The following EXOC6 variants were observed in gnomAD, a reference collection of about 807,000 sequenced individuals.
EXOC6 encodes SEC15-like 1.
In EXOC6, 60 loss-of-function variants were observed where a neutral mutation model predicts 112.5. The observed-to-expected ratio is 0.53, with a 90% CI of 0.43 to 0.66. EXOC6 has a LOEUF of 0.66. Among genes scored for constraint, EXOC6 ranks in the 30% least tolerant of loss-of-function variants. The probability of loss-of-function intolerance (pLI) is 0.00; values close to 1 mark genes in which losing one functional copy is unlikely to be tolerated. For synonymous variants in EXOC6, 295 were observed against 308.0 expected (o/e 0.96, Z 0.44); for missense variants, 855 against 957.1 (o/e 0.89, Z 1.41).
chr10:93,055,239 T>C (rs1777192779), intron 20 of EXOC6, among the ~76,000 whole-genome samples: 5 of 152,212 alleles, frequency 3.3e-5, no homozygotes. Flanking sequence ...ATAAACATTA[T>C]CCCAAGTTAT....
chr10:92,959,302 TA>T (rs1246849145), intron 17 of EXOC6, among the ~76,000 whole-genome samples: 1 of 152,138 alleles, frequency 6.6e-6, no homozygotes, highest in East Asian at 1.9e-4. Flanking sequence ...CATCCACATG[TA>T]AAAAAATGAA....
intron 1 of EXOC6, among the ~76,000 whole-genome samples, chr10:92,860,862 G>T (rs1847880574): frequency 6.6e-6 from 1 of 152,116 alleles, no homozygotes; most frequent in African/African-American, 2.4e-5. Context: ...TTTATCAGTG[G>T]ACATTTGTGT....
intron 13 of EXOC6, among the ~76,000 whole-genome samples, chr10:92,944,512 A>G (rs1477993585): frequency 6.6e-6 from 1 of 152,218 alleles, no homozygotes; most frequent in African/African-American, 2.4e-5. Context: ...CTAGGATTAC[A>G]GATGTGAGCC....
At chr10:92,933,901 C>T (rs1852200410) in intron 9 of EXOC6, among the ~76,000 whole-genome samples, 1 of 152,098 alleles carries the variant, frequency 6.6e-6, no homozygotes, top group Non-Finnish European at 1.5e-5. Context: ...TTTGATTAGT[C>T]TGCTGAGAAG....
At chr10:92,932,179 GA>G (rs1338864571) in intron 9 of EXOC6, among the ~76,000 whole-genome samples, 5 of 152,034 alleles carry the variant, frequency 3.3e-5, no homozygotes, top group African/African-American at 9.7e-5. Context: ...TATTCTAAGT[GA>G]AAAAAATTCA....
At chr10:92,960,611 C>G (rs1404536334) in intron 17 of EXOC6, among the ~76,000 whole-genome samples, 1 of 139,852 alleles carries the variant, frequency 7.2e-6, no homozygotes, top group Non-Finnish European at 1.5e-5. Context: ...AAAAAAAAGG[C>G]GAACACACTT....
intron 6 of EXOC6, among the ~76,000 whole-genome samples, chr10:92,910,915 C>T (rs1197268582): frequency 6.0e-5 from 3 of 49,720 alleles, no homozygotes; most frequent in African/African-American, 8.5e-5. Context: ...GGTGACAGAG[C>T]GAGACTCTGT....
At chr10:92,880,512 C>A (rs1038570678) in intron 1 of EXOC6, among the ~76,000 whole-genome samples, 1 of 152,092 alleles carries the variant, frequency 6.6e-6, no homozygotes, top group East Asian at 1.9e-4. Context: ...TAATTTATAT[C>A]CTCACAGCAC....
chr10:92,862,239 T>C (rs764440033), intron 1 of EXOC6, among the ~76,000 whole-genome samples: 1 of 152,224 alleles, frequency 6.6e-6, no homozygotes, highest in Non-Finnish European at 1.5e-5. Context: ...GAATATAATA[T>C]GTGGTTTTTG....
chr10:93,026,430 G>A (rs1466601021), intron 20 of EXOC6, among the ~76,000 whole-genome samples: 2 of 152,180 alleles, frequency 1.3e-5, no homozygotes, highest in African/African-American at 4.8e-5. Flanking sequence ...CATTCCAGTG[G>A]CTGTGTGGTA....
At chr10:92,956,922 C>CT in intron 17 of EXOC6, among the ~76,000 whole-genome samples, 1 of 152,128 alleles carries the variant, frequency 6.6e-6, no homozygotes, top group Non-Finnish European at 1.5e-5. Context: ...AAGGAAGATA[C>CT]TTAGCCCAGA....
chr10:92,998,753 G>A (rs1196996743), intron 19 of EXOC6, among the ~76,000 whole-genome samples: 3 of 151,662 alleles, frequency 2.0e-5, no homozygotes, highest in African/African-American at 7.3e-5. Flanking sequence ...TTTTCCTAGG[G>A]AAGAGAAAGA....
rs140316134 is a variant in EXOC6 at position 93,012,245 on chromosome 10, T to C, written c.2096-1949T>C. 4.4e-4 allele frequency among the ~76,000 whole-genome samples: 67 copies of C among 152,244 alleles called. No individual in the cohort carries two copies. The East Asian group carries it at 0.012, about 28-fold the overall frequency. On this transcript the variant is annotated intron_variant, in intron 19 of 21. Transcript: ENST00000260762. ...CTTACCTGCTCAAGAAGAGTAAAGA[T>C]AAAATTAATAAGACAGATGAGGGAG...
chr10:92,924,437 A>G (rs1449630041), intron 8 of EXOC6, among the ~76,000 whole-genome samples: 6 of 152,188 alleles, frequency 3.9e-5, no homozygotes, highest in East Asian at 1.9e-4. Context: ...TTTCATATTC[A>G]TGTACATTAT....
At position 92,995,635 on chromosome 10, in the gene EXOC6, T is replaced by G. The variant is rs571380372; in HGVS notation, c.1954-1839T>G. Among the ~76,000 whole-genome samples the G allele has an allele frequency of 2.6e-5, 4 of 152,302 alleles. No individual in the cohort carries two copies. The South Asian group carries it at 8.3e-4, about 32-fold the overall frequency. On this transcript the variant is annotated intron_variant, in intron 18 of 21. Transcript: ENST00000260762. The stretch of plus-strand genomic sequence containing the variant: ...ATTTCTCCTTTCTCTGCTTCCCCAC[T>G]TCTCATTCATATTGATATTATTCTG...
chr10:92,965,749 C>T (rs1435016294), intron 17 of EXOC6, among the ~76,000 whole-genome samples: 1 of 152,034 alleles, frequency 6.6e-6, no homozygotes, highest in African/African-American at 2.4e-5. Flanking sequence ...ATCCTTGCTC[C>T]CATTTCTTTA....
At chr10:93,004,028 C>T (rs935149094) in intron 19 of EXOC6, among the ~76,000 whole-genome samples, 2 of 152,116 alleles carry the variant, frequency 1.3e-5, no homozygotes, top group African/African-American at 4.8e-5. Context: ...ACTCTAGTGT[C>T]ATTTAGAAAT....
At chr10:93,032,879 G>A (rs926842690) in intron 20 of EXOC6, among the ~76,000 whole-genome samples, 2 of 152,174 alleles carry the variant, frequency 1.3e-5, no homozygotes, top group African/African-American at 2.4e-5. Flanking sequence ...TCTTTAAGGC[G>A]GTGGCATTTG....
chr10:93,055,548 G>C (rs1203604665), intron 20 of EXOC6, among the ~76,000 whole-genome samples: 2 of 152,182 alleles, frequency 1.3e-5, no homozygotes, highest in Non-Finnish European at 2.9e-5. Flanking sequence ...TACCATCTGA[G>C]TGTATGAAAG....
Sources: allele counts gnomAD v4.1 joint callset (sites outside exome capture counted in the v4.1 genomes callset), GRCh38; gene constraint gnomAD v4.1.1; transcripts MANE v1.5; gene names NCBI Gene and HGNC (gene_info 2026-07-23, HGNC 2026-07-21).